Variants in CMIP observed in about 807,000 individuals in gnomAD.
CMIP encodes the protein c-Maf inducing protein.
A neutral mutation model predicts 97.3 loss-of-function variants in CMIP; 13 were observed. The observed-to-expected ratio is 0.13, with a 90% CI of 0.09 to 0.21. The LOEUF is 0.21. CMIP is among the 10% of genes least tolerant of loss of function. CMIP has a pLI of 1.00. For missense variants in CMIP, 847 were observed against 1,024.9 expected (o/e 0.83, Z 2.37); for synonymous variants, 538 against 436.3 (o/e 1.23, Z -2.91).
chr16:81,560,535 C>T (rs2090862104), intron 1 of CMIP, among the ~76,000 whole-genome samples: 1 of 152,124 alleles, frequency 6.6e-6, no homozygotes, highest in South Asian at 2.1e-4. Context: ...CAATTTTTTA[C>T]AAATGTAGTG....
intron 6 of CMIP, among the ~76,000 whole-genome samples, chr16:81,663,462 T>C (rs1422589453): frequency 1.3e-5 from 2 of 152,156 alleles, no homozygotes; most frequent in African/African-American, 4.8e-5. Context: ...TGATCGGTGG[T>C]TGCCAGGGGT....
At chr16:81,626,951 C>G (rs1164400888) in intron 3 of CMIP, among the ~76,000 whole-genome samples, 2 of 130,142 alleles carry the variant, frequency 1.5e-5, no homozygotes, top group East Asian at 4.6e-4. Context: ...GTGGGGGTGA[C>G]TGAGTGTGTG....
intron 8 of CMIP, 45 bp from the exon 9 acceptor site, chr16:81,671,921 C>G (rs1263242533): frequency 9.4e-7 from 1 of 1,063,338 alleles, no homozygotes; most frequent in East Asian, 2.6e-5. Flanking sequence ...GTCCATGGGC[C>G]CCACTCCTGC....
intron 11 of CMIP, 51 bp from the exon 12 acceptor site, chr16:81,693,107 T>G (rs1906286640): frequency 6.8e-7 from 1 of 1,473,028 alleles, no homozygotes; most frequent in Non-Finnish European, 9.5e-7. Context: ...AACATTGTGC[T>G]GTTTCCGACG....
chr16:81,676,332 A>G (rs977243942), intron 9 of CMIP, among the ~76,000 whole-genome samples: 1 of 151,380 alleles, frequency 6.6e-6, no homozygotes, highest in African/African-American at 2.4e-5. Flanking sequence ...CAGTCCCTTC[A>G]AGATAAAGTC....
Position 81,625,845 on chromosome 16 carries a change from A to G in CMIP, c.477+4919A>G, listed in dbSNP as rs143709100. 6.3e-3 allele frequency among the ~76,000 whole-genome samples: 964 copies of G among 152,286 alleles called. 15 individuals are homozygous for G. Among genetic ancestry groups the G allele is most frequent in the African/African-American group, 0.022 (897 of 41,564 alleles). ...GGGGTTCCTCAGGCCGAGGCACACT[A>G]GTCCTGGAAACCAAGATGGTTTTTC... On this transcript the variant is annotated intron_variant, in intron 3 of 20. Coordinates refer to ENST00000537098, the MANE Select transcript of CMIP (RefSeq NM_198390.3).
At chr16:81,634,591 G>A (rs2092210011) in intron 3 of CMIP, among the ~76,000 whole-genome samples, 1 of 152,204 alleles carries the variant, frequency 6.6e-6, no homozygotes, top group African/African-American at 2.4e-5. Flanking sequence ...AGTAGAGTCT[G>A]CCGCACGAGT....
At chr16:81,703,676 C>T (rs528599842) in intron 17 of CMIP, among the ~76,000 whole-genome samples, 10 of 152,142 alleles carry the variant, frequency 6.6e-5, no homozygotes, top group African/African-American at 2.4e-4. Context: ...GCTGGTGCCT[C>T]AGGGTGTGAG....
In CMIP at chr16:81,701,683, C is replaced by T; in HGVS notation, c.1779C>T (p.Tyr593=). ...AGATCCTGTGCTTGATGCTGGAATACAACATCATCGACAACAACGACACCC... is the reference window on the plus strand; with the variant it reads ...AGATCCTGTGCTTGATGCTGGAATATAACATCATCGACAACAACGACACCC... The part of the protein sequence containing the change: ...MVEILCLMLE[Y]NIIDNNDTQL... The change falls in exon 16 of 21, where the codon TAC becomes TAT. Residue 593 remains tyrosine (Y), a synonymous_variant. Transcript: ENST00000537098. The T allele has an allele frequency of 1.2e-6, 2 of 1,613,892 alleles. No individual in the cohort carries two copies. The highest frequency in any genetic ancestry group is 1.7e-6 in the Non-Finnish European group (2 of 1,179,892).
At chr16:81,516,665 G>A (rs796943140) in intron 1 of CMIP, among the ~76,000 whole-genome samples, 5 of 152,232 alleles carry the variant, frequency 3.3e-5, no homozygotes, top group Admixed American at 6.5e-5. Context: ...GCTCTGGGCT[G>A]ATAGCTTTAG....
chr16:81,564,608 C>A (rs1026510700), intron 1 of CMIP, among the ~76,000 whole-genome samples: 1 of 152,190 alleles, frequency 6.6e-6, no homozygotes, highest in Non-Finnish European at 1.5e-5. Context: ...CGCCGCAGTG[C>A]CAGGGAGCCT....
intron 3 of CMIP, among the ~76,000 whole-genome samples, chr16:81,644,921 CATCGA>C (rs1440366078): frequency 6.6e-6 from 1 of 152,182 alleles, no homozygotes; most frequent in East Asian, 1.9e-4. Flanking sequence ...TAGACCTCAG[CATCGA>C]TGGGTAGAGG....
chr16:81,656,525 AGTTTT>A, intron 4 of CMIP, among the ~76,000 whole-genome samples: 1 of 152,342 alleles, frequency 6.6e-6, no homozygotes, highest in East Asian at 1.9e-4. Flanking sequence ...GGCACTTCTG[AGTTTT>A]CCTGTGATTC....
rs11642818 is a variant in CMIP at position 81,692,979 on chromosome 16, A to C, written c.1455-179A>C. ...GTTGCTCTGATCTGCCGCCTCCTCA[A>C]AGAAGGCCTTTGTTTTGGAGCTTTG... is the stretch of plus-strand genomic sequence containing the variant. On this transcript the variant is annotated intron_variant, in intron 11 of 20. Transcript: ENST00000537098. Among the ~76,000 whole-genome samples, 40,198 of 152,076 alleles carry C rather than the reference A, an allele frequency of 0.26. 5,635 individuals are homozygous for C. The highest frequency in any genetic ancestry group is 0.37 in the Middle Eastern group (108 of 294).
chr16:81,611,091 C>T (rs2091824417), intron 2 of CMIP, among the ~76,000 whole-genome samples: 2 of 152,170 alleles, frequency 1.3e-5, no homozygotes, highest in Non-Finnish European at 1.5e-5. Flanking sequence ...CATGGCAGCC[C>T]ACAGATGGAT....
chr16:81,597,446 C>T lies in CMIP; in HGVS notation c.301-10121C>T, dbSNP rs547155106. The stretch of plus-strand genomic sequence containing the variant: ...CAGCTCTCTCCTGAATAGCTGTGTG[C>T]GGTTGGTCAAGTTGTGCACCTGCTC... On this transcript the variant is annotated intron_variant, in intron 1 of 20. Transcript: ENST00000537098. Among the ~76,000 whole-genome samples, 20 of 152,218 alleles carry T rather than the reference C, an allele frequency of 1.3e-4. No homozygotes were observed. In the South Asian group the frequency reaches 1.5e-3, roughly 11 times the overall value.
chr16:81,611,694 C>T (rs1202137841), intron 2 of CMIP, among the ~76,000 whole-genome samples: 1 of 152,158 alleles, frequency 6.6e-6, no homozygotes, highest in African/African-American at 2.4e-5. Context: ...TCCCCCAGTC[C>T]TCTCTGTGTG....
chr16:81,514,330 G>A (rs1403739133), intron 1 of CMIP, among the ~76,000 whole-genome samples: 1 of 152,180 alleles, frequency 6.6e-6, no homozygotes, highest in Non-Finnish European at 1.5e-5. Flanking sequence ...GGATCAGGGT[G>A]AGGGAAGCTT....
intron 1 of CMIP, among the ~76,000 whole-genome samples, chr16:81,496,393 T>C (rs1030531113): frequency 4.6e-5 from 7 of 152,106 alleles, no homozygotes; most frequent in African/African-American, 1.7e-4. Context: ...GTGAAACCTA[T>C]TTAGAATTTG....
Sources: gnomAD v4.1 joint callset for allele counts (sites outside exome capture counted in the v4.1 genomes callset) on GRCh38, gnomAD v4.1.1 for gene constraint, MANE v1.5 for transcripts, NCBI Gene and HGNC (gene_info 2026-07-23, HGNC 2026-07-21) for gene names.